SEMA3C: variants seen among roughly 807,000 people sequenced by gnomAD.
SEMA3C encodes semaphorin-3C.
Under a neutral mutation model 89.4 loss-of-function variants are expected in SEMA3C, and 47 were observed. The observed-to-expected ratio is 0.53, with a 90% CI of 0.42 to 0.67. The LOEUF is 0.67. Among genes scored for constraint, SEMA3C ranks in the 30% least tolerant of loss-of-function variants. The pLI is 0.00. For missense variants in SEMA3C, 839 were observed against 929.1 expected, an observed-to-expected ratio of 0.90 and a Z score of 1.26; for synonymous variants, 310 against 320.2, an observed-to-expected ratio of 0.97 and a Z score of 0.34.
intron 2 of SEMA3C, among the ~76,000 whole-genome samples, chr7:80,854,667 C>T (rs1281094425): frequency 6.6e-6 from 1 of 152,110 alleles, no homozygotes; most frequent in African/African-American, 2.4e-5. Flanking sequence ...TATTAATGAG[C>T]GGCCATCTGG....
rs148140254 is a variant in SEMA3C, at chr7:80,863,172, C to A, written c.104-34427G>T. On this transcript the variant is annotated intron_variant, in intron 2 of 17. Transcript: ENST00000265361. ...GCTTGAACCTGGGAGGCAGAGGTTGCAGTGAGCCAAGATCGTGCCATTGCA... is the reference window on the plus strand; with the variant it reads ...GCTTGAACCTGGGAGGCAGAGGTTGAAGTGAGCCAAGATCGTGCCATTGCA... 2.3e-3 allele frequency among the ~76,000 whole-genome samples: 342 copies of A among 150,972 alleles called. 2 individuals carry two copies. Among genetic ancestry groups the A allele is most frequent in the African/African-American group, 7.8e-3 (320 of 41,002 alleles).
intron 2 of SEMA3C, among the ~76,000 whole-genome samples, chr7:80,900,672 C>A (rs1791856433): frequency 6.6e-6 from 1 of 152,146 alleles, no homozygotes; most frequent in South Asian, 2.1e-4. Flanking sequence ...AGAGGTTGTG[C>A]AGAAGGGAAT....
At chr7:80,788,212 G>T (rs1052473637) in intron 12 of SEMA3C, among the ~76,000 whole-genome samples, 1 of 152,106 alleles carries the variant, frequency 6.6e-6, no homozygotes, top group Non-Finnish European at 1.5e-5. Flanking sequence ...TTTTACAGAC[G>T]TGTTGTCTCT....
chr7:80,920,496 G>A (rs1013203098), upstream of SEMA3C, among the ~76,000 whole-genome samples: 1 of 152,298 alleles, frequency 6.6e-6, no homozygotes, highest in Admixed American at 6.5e-5. Context: ...GGAGGAAGAG[G>A]TGAGTGAGAC....
chr7:80,813,535 A>C (rs894858193), intron 5 of SEMA3C, among the ~76,000 whole-genome samples: 1 of 152,234 alleles, frequency 6.6e-6, no homozygotes, highest in African/African-American at 2.4e-5. Flanking sequence ...ACACACAAAT[A>C]TCATATTTAG....
intron 2 of SEMA3C, among the ~76,000 whole-genome samples, chr7:80,870,221 A>C (rs1441110951): frequency 6.6e-6 from 1 of 152,142 alleles, no homozygotes; most frequent in African/African-American, 2.4e-5. Context: ...GCCCCACCTG[A>C]GTGGGAAGAC....
upstream of SEMA3C, chr7:80,919,253 G>A (rs1412681711): frequency 5.1e-5 from 50 of 985,244 alleles, no homozygotes; most frequent in Non-Finnish European, 5.9e-5. Context: ...GGGGCGGACC[G>A]GGCGGGGCCG....
chr7:80,919,232 A>G (rs985695003), upstream of SEMA3C: 55 of 985,120 alleles, frequency 5.6e-5, no homozygotes, highest in African/African-American at 8.2e-4. Context: ...AGAGCCTGGC[A>G]GGGAGCCGCG....
In SEMA3C at chr7:80,743,525, T is replaced by C. The variant is rs1049958308; in HGVS notation, c.*1369A>G. ...GTTTTTACCTGGAAGCATGAAAATGTCTTAAAAGGTAAATAAAAAAGCAAA... is the reference window on the plus strand; with the variant it reads ...GTTTTTACCTGGAAGCATGAAAATGCCTTAAAAGGTAAATAAAAAAGCAAA... On this transcript the variant is annotated 3_prime_UTR_variant, in exon 18 of 18. Transcript: ENST00000265361. The C allele has an allele frequency of 6.6e-6, 1 of 151,888 alleles. No homozygotes were observed. The highest frequency in any genetic ancestry group is 1.5e-5 in the Non-Finnish European group (1 of 67,832). 9.4% of individuals were successfully genotyped at this position (151,888 alleles called of 1,614,324 possible). A position where few individuals can be genotyped will look rare whatever the true frequency, so the allele number is the denominator to read the frequency against.
chr7:80,878,852 T>C (rs1562920236), intron 2 of SEMA3C, among the ~76,000 whole-genome samples: 1 of 151,928 alleles, frequency 6.6e-6, no homozygotes, highest in South Asian at 2.1e-4. Flanking sequence ...TTTAAGAAGA[T>C]ACATAAAGAT....
intron 12 of SEMA3C, among the ~76,000 whole-genome samples, chr7:80,783,368 T>G (rs890959103): frequency 6.6e-6 from 1 of 152,206 alleles, no homozygotes. Context: ...CAGCCATCGT[T>G]CCACTCTGTT....
At chr7:80,758,582 G>A in intron 14 of SEMA3C, 94 bp from the exon 15 acceptor site, 2 of 1,253,540 alleles carry the variant, frequency 1.6e-6, no homozygotes, top group Non-Finnish European at 2.3e-6. Flanking sequence ...ACAAACCCTT[G>A]GATTCATTTT....
chr7:80,806,679 C>T (rs941482640), intron 6 of SEMA3C, among the ~76,000 whole-genome samples: 3 of 151,966 alleles, frequency 2.0e-5, no homozygotes, highest in South Asian at 2.1e-4. Context: ...TGGTAACAAA[C>T]GTGACCCCTG....
chr7:80,874,620 C>T (rs145207242), intron 2 of SEMA3C, among the ~76,000 whole-genome samples: 2,443 of 152,052 alleles, frequency 0.016, 28 homozygotes, highest in Non-Finnish European at 0.024. Flanking sequence ...GTGTCCACCA[C>T]CACACCTGGT....
At chr7:80,849,185 T>C (rs112628185) in intron 2 of SEMA3C, among the ~76,000 whole-genome samples, 12 of 152,308 alleles carry the variant, frequency 7.9e-5, no homozygotes, top group African/African-American at 2.9e-4. Flanking sequence ...TAATCTTCTT[T>C]ACTGTTCTGC....
chr7:80,772,710 G>GTT (rs920154585), intron 12 of SEMA3C, among the ~76,000 whole-genome samples: 1 of 145,420 alleles, frequency 6.9e-6, no homozygotes, highest in Admixed American at 6.7e-5. Context: ...TTTTTTTTTT[G>GTT]TTTGTTTTAT....
At chr7:80,838,632 C>A (rs1045480397) in intron 2 of SEMA3C, among the ~76,000 whole-genome samples, 1 of 152,146 alleles carries the variant, frequency 6.6e-6, no homozygotes, top group Non-Finnish European at 1.5e-5. Context: ...AATTCATATA[C>A]AAGAGGTTTA....
chr7:80,859,845 A>AAATTT (rs1323354069), intron 2 of SEMA3C, among the ~76,000 whole-genome samples: 1 of 152,120 alleles, frequency 6.6e-6, no homozygotes, highest in East Asian at 1.9e-4. Context: ...AACTGAACTG[A>AAATTT]AATTTAGCAA....
intron 12 of SEMA3C, among the ~76,000 whole-genome samples, chr7:80,786,594 G>C (rs1412691136): frequency 1.3e-5 from 2 of 152,166 alleles, no homozygotes; most frequent in African/African-American, 4.8e-5. Context: ...TGAATGATCT[G>C]AGCTAAGGCT....
Sources: gnomAD v4.1 joint callset for allele counts (sites outside exome capture counted in the v4.1 genomes callset) on GRCh38, gnomAD v4.1.1 for gene constraint, MANE v1.5 for transcripts, NCBI Gene and HGNC (gene_info 2026-07-23, HGNC 2026-07-21) for gene names.